The following PEMT variants were observed in gnomAD, a reference collection of about 807,000 sequenced individuals.
The protein encoded by PEMT is phosphatidylethanolamine N-methyltransferase, also known as phospholipid methyltransferase.
Under a neutral mutation model 27.4 loss-of-function variants are expected in PEMT, and 23 were observed. The observed-to-expected ratio is 0.84, with a 90% CI of 0.60 to 1.19. The LOEUF is 1.19. Among genes scored for constraint, PEMT ranks in the 50% most tolerant of loss-of-function variants. The pLI, the probability that PEMT is intolerant of heterozygous loss-of-function variation, is 0.00. For synonymous variants in PEMT, 137 were observed against 139.1 expected, an observed-to-expected ratio of 0.98 and a Z score of 0.11; for missense variants, 307 against 310.1, an observed-to-expected ratio of 0.99 and a Z score of 0.07.
intron 1 of PEMT, among the ~76,000 whole-genome samples, chr17:17,578,397 G>A (rs1428322586): frequency 6.6e-6 from 1 of 151,890 alleles, no homozygotes; most frequent in Non-Finnish European, 1.5e-5. Context: ...TACTTGGGAG[G>A]CCAAGGCAAG....
chr17:17,591,948 AC>A (rs1271270943), upstream of PEMT: 1 of 985,046 alleles, frequency 1.0e-6, no homozygotes, highest in Non-Finnish European at 1.2e-6. Flanking sequence ...CGGCTGCCGC[AC>A]CCGAGCCTGT....
intron 6 of PEMT, 36 bp from the exon 7 acceptor site, chr17:17,505,884 T>C: frequency 6.3e-7 from 1 of 1,590,504 alleles, no homozygotes; most frequent in South Asian, 1.1e-5. Context: ...GGTCAGCAGG[T>C]CCTGGGGGTG....
chr17:17,574,868 A>G lies in PEMT; in HGVS notation c.204+2052T>C, dbSNP rs70959695. Among the ~76,000 whole-genome samples the G allele has an allele frequency of 9.8e-3, 1,487 of 152,158 alleles. 28 individuals carry two copies. The highest frequency in any genetic ancestry group is 0.033 in the African/African-American group (1,381 of 41,486). On this transcript the variant is annotated intron_variant, in intron 2 of 6. Coordinates refer to ENST00000255389, the MANE Select transcript of PEMT (RefSeq NM_148172.3). ...GCCTGCAGGAAGCCAGAGGGCAGGG[A>G]CCTCCTCCGGCTGTAAGAGCCCAAC...
At chr17:17,511,625 CT>C (rs1347727544) in intron 4 of PEMT, among the ~76,000 whole-genome samples, 1 of 152,212 alleles carries the variant, frequency 6.6e-6, no homozygotes, top group Non-Finnish European at 1.5e-5. Context: ...TTCCAAGCTC[CT>C]GCACTGGCCA....
At chr17:17,544,951 G>A (rs1909145642) in intron 2 of PEMT, among the ~76,000 whole-genome samples, 2 of 152,224 alleles carry the variant, frequency 1.3e-5, no homozygotes, top group African/African-American at 4.8e-5. Flanking sequence ...GAAAGGAGGC[G>A]AACAGGCCAG....
At chr17:17,532,817 C>T (rs999238049) in intron 2 of PEMT, among the ~76,000 whole-genome samples, 1 of 152,218 alleles carries the variant, frequency 6.6e-6, no homozygotes, top group Non-Finnish European at 1.5e-5. Context: ...CACCTGAGAC[C>T]AGGAGTTCAA....
chr17:17,563,640 G>T (rs938713979), intron 2 of PEMT, among the ~76,000 whole-genome samples: 1 of 152,230 alleles, frequency 6.6e-6, no homozygotes. Context: ...TGCTGCTACC[G>T]TAAGCGGGTG....
intron 2 of PEMT, among the ~76,000 whole-genome samples, chr17:17,547,745 T>A (rs904353721): frequency 1.3e-5 from 2 of 152,102 alleles, no homozygotes; most frequent in Non-Finnish European, 2.9e-5. Flanking sequence ...TCCTTCCTCA[T>A]GCTCAAGGAC....
chr17:17,556,050 CA>C (rs1465090746), intron 2 of PEMT, among the ~76,000 whole-genome samples: 1 of 152,252 alleles, frequency 6.6e-6, no homozygotes, highest in Non-Finnish European at 1.5e-5. Context: ...GGAACACAGC[CA>C]CTCCTGGGGA....
At chr17:17,581,854 G>A (rs754238465) in intron 1 of PEMT, among the ~76,000 whole-genome samples, 17 of 152,214 alleles carry the variant, frequency 1.1e-4, no homozygotes, top group Non-Finnish European at 2.1e-4. Flanking sequence ...ATGGTTCAGA[G>A]TGGAATTCTA....
intron 3 of PEMT, among the ~76,000 whole-genome samples, chr17:17,518,370 T>C (rs1907004179): frequency 6.6e-6 from 1 of 152,226 alleles, no homozygotes; most frequent in Admixed American, 6.5e-5. Flanking sequence ...CAAGTTCAGC[T>C]GTGCAGGGGG....
At chr17:17,535,111 T>C (rs1244271519) in intron 2 of PEMT, among the ~76,000 whole-genome samples, 1 of 151,834 alleles carries the variant, frequency 6.6e-6, no homozygotes, top group African/African-American at 2.4e-5. Flanking sequence ...GGTTTCACCA[T>C]GTTGGCCAGG....
intron 2 of PEMT, among the ~76,000 whole-genome samples, chr17:17,528,238 C>T (rs1295946089): frequency 6.6e-6 from 1 of 152,232 alleles, no homozygotes; most frequent in African/African-American, 2.4e-5. Flanking sequence ...CATCTCGCTT[C>T]TACAGCTGGA....
intron 1 of PEMT, among the ~76,000 whole-genome samples, chr17:17,581,176 T>C (rs947369788): frequency 2.0e-5 from 3 of 152,114 alleles, no homozygotes; most frequent in African/African-American, 7.2e-5. Context: ...TCTCTACTAC[T>C]TCCCCACTGG....
At chr17:17,563,168 C>T (rs2142701281) in intron 2 of PEMT, among the ~76,000 whole-genome samples, 1 of 152,218 alleles carries the variant, frequency 6.6e-6, no homozygotes, top group Middle Eastern at 3.4e-3. Flanking sequence ...GAGGAGCCGG[C>T]AGACTAAGAG....
At chr17:17,544,592 C>T (rs1909122309) in intron 2 of PEMT, among the ~76,000 whole-genome samples, 1 of 152,132 alleles carries the variant, frequency 6.6e-6, no homozygotes, top group Admixed American at 6.5e-5. Context: ...CCATGAAGTC[C>T]CCCCACTGCC....
chr17:17,553,354 C>T (rs1385728914), intron 2 of PEMT, among the ~76,000 whole-genome samples: 2 of 152,212 alleles, frequency 1.3e-5, no homozygotes, highest in African/African-American at 2.4e-5. Flanking sequence ...CTGCACACTT[C>T]GGACTTTCCC....
chr17:17,567,534 C>T (rs577349634), intron 2 of PEMT, among the ~76,000 whole-genome samples: 9 of 152,386 alleles, frequency 5.9e-5, no homozygotes, highest in South Asian at 2.1e-4. Flanking sequence ...TGCCGTGGAA[C>T]GGCTTGCACT....
chr17:17,554,632 G>A (rs773009734), intron 2 of PEMT, among the ~76,000 whole-genome samples: 1 of 151,754 alleles, frequency 6.6e-6, no homozygotes, highest in Non-Finnish European at 1.5e-5. Flanking sequence ...TTAATTTTTT[G>A]AGACAGAGTG....
Sources: allele counts gnomAD v4.1 joint callset (sites outside exome capture counted in the v4.1 genomes callset), GRCh38; gene constraint gnomAD v4.1.1; transcripts MANE v1.5; gene names NCBI Gene and HGNC (gene_info 2026-07-23, HGNC 2026-07-21).